The following GNA13 variants were observed in gnomAD, a reference collection of about 807,000 sequenced individuals.
GNA13 encodes G protein subunit alpha 13, also known as guanine nucleotide-binding protein subunit alpha-13.
Under a neutral mutation model 33.5 loss-of-function variants are expected in GNA13, and 4 were observed. The observed-to-expected ratio is 0.12, with a 90% CI of 0.06 to 0.27. GNA13 has a LOEUF of 0.27. Ranked by LOEUF, GNA13 falls within the 10% of genes least tolerant of loss-of-function variation. The pLI, the probability that GNA13 is intolerant of heterozygous loss-of-function variation, is 1.00. For missense variants in GNA13, 319 were observed against 487.2 expected (o/e 0.65, Z 3.25); for synonymous variants, 176 against 183.8 (o/e 0.96, Z 0.34).
intron 3 of GNA13, among the ~76,000 whole-genome samples, chr17:65,017,043 T>C (rs928623506): frequency 2.0e-5 from 3 of 152,156 alleles, no homozygotes; most frequent in East Asian, 1.9e-4. Flanking sequence ...ATTTTTTTTT[T>C]CCTTTGGACT....
At chr17:65,041,556 T>C (rs1443843176) in intron 2 of GNA13, among the ~76,000 whole-genome samples, 1 of 152,102 alleles carries the variant, frequency 6.6e-6, no homozygotes, top group Non-Finnish European at 1.5e-5. Flanking sequence ...ACCTTGGAAA[T>C]GAAGCTCTAA....
intron 1 of GNA13, chr17:65,055,782 T>C (rs893246016): frequency 3.0e-6 from 3 of 985,196 alleles, no homozygotes; most frequent in African/African-American, 1.7e-5. Context: ...ATTGCGACGG[T>C]TCCAGAACTC....
At chr17:65,048,017 T>G (rs1396826319) in intron 2 of GNA13, among the ~76,000 whole-genome samples, 3 of 152,128 alleles carry the variant, frequency 2.0e-5, no homozygotes, top group Non-Finnish European at 2.9e-5. Context: ...AGAAAAGAAT[T>G]AAGTCTAACT....
rs1289131979 is a variant in GNA13, at chr17:65,011,980, C to T, written c.*2277G>A. 1.3e-5 allele frequency: 3 copies of T among 227,250 alleles called. No individual in the cohort carries two copies. In the East Asian group the frequency reaches 1.9e-4, roughly 14 times the overall value. The allele number at this position is 227,250 out of a possible 1,614,324, so 14.1% of individuals were successfully genotyped here. ...CTTAAAGTTCTACTGAATGTCAAAA[C>T]AAGCCTAAGTTGAATATAAGTAATT... On this transcript the variant is annotated 3_prime_UTR_variant, in exon 4 of 4. Coordinates refer to ENST00000439174, the MANE Select transcript of GNA13 (RefSeq NM_006572.6).
intron 2 of GNA13, among the ~76,000 whole-genome samples, chr17:65,031,275 T>C (rs1342628267): frequency 1.3e-5 from 2 of 152,214 alleles, no homozygotes; most frequent in Non-Finnish European, 2.9e-5. Flanking sequence ...ACAGTAAAGA[T>C]ATACTACAAA....
intron 3 of GNA13, 111 bp downstream of exon 3, chr17:65,018,142 G>GAT (rs1906450483): frequency 7.6e-6 from 1 of 131,306 alleles, no homozygotes; most frequent in Non-Finnish European, 1.7e-5. Context: ...AAAAAAAAGA[G>GAT]AGAAAGAAGC....
rs544189735 is a variant in GNA13 at position 65,037,452 on chromosome 17, GATTCTTCCTAGA to G, written c.510+16038_510+16049del. ...TATCCAACTTTCCTGTGCCAACATC[GATTCTTCCTAGA>G]ATTCTTCCTAGACCTCTCAATGGCA... On this transcript the variant is annotated intron_variant, in intron 2 of 3. Transcript: ENST00000439174. Among the ~76,000 whole-genome samples, 8 of 152,132 alleles carry G rather than the reference GATTCTTCCTAGA, an allele frequency of 5.3e-5. No homozygotes were observed. In the South Asian group the frequency reaches 6.2e-4, roughly 12 times the overall value.
At chr17:65,053,202 A>G (rs1907917123) in intron 2 of GNA13, 1 of 273,728 alleles carries the variant, frequency 3.7e-6, no homozygotes, top group Non-Finnish European at 6.8e-6. Flanking sequence ...GATTTTTGAA[A>G]TATCTGCATA....
intron 2 of GNA13, among the ~76,000 whole-genome samples, chr17:65,038,369 C>A (rs1907335516): frequency 6.6e-6 from 1 of 151,080 alleles, no homozygotes; most frequent in Non-Finnish European, 1.5e-5. Context: ...CACCACTGCA[C>A]TCTAGCCTGG....
intron 2 of GNA13, among the ~76,000 whole-genome samples, chr17:65,041,877 G>A (rs746315630): frequency 3.3e-5 from 5 of 152,192 alleles, no homozygotes; most frequent in Non-Finnish European, 4.4e-5. Flanking sequence ...AAATGTCATC[G>A]TGATGAGAAG....
chr17:65,038,669 C>A (rs566875730), intron 2 of GNA13, among the ~76,000 whole-genome samples: 1 of 152,138 alleles, frequency 6.6e-6, no homozygotes, highest in Non-Finnish European at 1.5e-5. Context: ...TCAAGCAATC[C>A]GCCCACCTTG....
chr17:65,026,088 C>T (rs1906772316), intron 2 of GNA13, among the ~76,000 whole-genome samples: 2 of 151,560 alleles, frequency 1.3e-5, no homozygotes, highest in South Asian at 2.1e-4. Flanking sequence ...CCTACTCTGC[C>T]AAACATTACT....
At chr17:65,022,513 G>A (rs762911687) in intron 2 of GNA13, among the ~76,000 whole-genome samples, 2 of 151,978 alleles carry the variant, frequency 1.3e-5, no homozygotes, top group African/African-American at 2.4e-5. Context: ...CAAATTCCAT[G>A]GTAAAGCATT....
chr17:65,045,415 G>A (rs1016193004), intron 2 of GNA13, among the ~76,000 whole-genome samples: 1 of 149,138 alleles, frequency 6.7e-6, no homozygotes, highest in African/African-American at 2.5e-5. Context: ...AATAACTTGG[G>A]AGGCTGGGTC....
chr17:65,020,142 CT>C (rs1298911804), intron 2 of GNA13, among the ~76,000 whole-genome samples: 7 of 152,222 alleles, frequency 4.6e-5, no homozygotes, highest in Admixed American at 6.5e-5. Context: ...CTCCTCCTAC[CT>C]TCCTAAAGTG....
At chr17:65,031,312 A>G (rs1478967145) in intron 2 of GNA13, among the ~76,000 whole-genome samples, 3 of 152,268 alleles carry the variant, frequency 2.0e-5, no homozygotes, top group Non-Finnish European at 4.4e-5. Flanking sequence ...ACACCTGTAT[A>G]GGGCAGCTCC....
At chr17:65,055,729 A>G in intron 1 of GNA13, 1 of 985,416 alleles carries the variant, frequency 1.0e-6, no homozygotes, top group African/African-American at 1.7e-5. Flanking sequence ...GGAGGCTGTC[A>G]CCCTACGCCC....
chr17:65,054,851 G>A (rs1381992651), intron 1 of GNA13, among the ~76,000 whole-genome samples: 2 of 152,194 alleles, frequency 1.3e-5, no homozygotes, highest in Admixed American at 6.5e-5. Context: ...TGTCAAGGCA[G>A]AGTCTGCAGC....
At chr17:65,031,362 T>A (rs558325581) in intron 2 of GNA13, among the ~76,000 whole-genome samples, 5 of 152,342 alleles carry the variant, frequency 3.3e-5, no homozygotes, top group East Asian at 3.9e-4. Context: ...ATGCAGTCAG[T>A]CCTTGACCAA....
Sources: gnomAD v4.1 joint callset for allele counts (sites outside exome capture counted in the v4.1 genomes callset) on GRCh38, gnomAD v4.1.1 for gene constraint, MANE v1.5 for transcripts, NCBI Gene and HGNC (gene_info 2026-07-23, HGNC 2026-07-21) for gene names.